The following TRPM3 variants were observed in gnomAD, a reference collection of about 807,000 sequenced individuals.
TRPM3 encodes transient receptor potential cation channel subfamily M member 3.
Under a neutral mutation model 181.2 loss-of-function variants are expected in TRPM3, and 77 were observed. The ratio of observed to expected loss-of-function variants is 0.42; its 90% CI spans 0.35 to 0.51. The LOEUF is 0.51. Ranked by LOEUF, TRPM3 falls within the 20% of genes least tolerant of loss-of-function variation. The probability of loss-of-function intolerance (pLI) is 0.01; values close to 1 mark genes in which losing one functional copy is unlikely to be tolerated. For synonymous variants in TRPM3, 745 were observed against 796.4 expected, an observed-to-expected ratio of 0.94 and a Z score of 1.09; for missense variants, 1,759 against 2,196.7, an observed-to-expected ratio of 0.80 and a Z score of 3.98.
At chr9:71,420,777 A>AAG (rs1342368407) in intron 1 of TRPM3, among the ~76,000 whole-genome samples, 1 of 86,804 alleles carries the variant, frequency 1.2e-5, no homozygotes, top group East Asian at 3.0e-4. Flanking sequence ...AAGAGAGAGA[A>AAG]AGAGAGAGAA....
intron 1 of TRPM3, among the ~76,000 whole-genome samples, chr9:71,227,683 G>A (rs998248476): frequency 1.6e-4 from 24 of 151,980 alleles, no homozygotes; most frequent in African/African-American, 5.3e-4. Flanking sequence ...GAAATCCAAA[G>A]GATCATTAGA....
intron 1 of TRPM3, among the ~76,000 whole-genome samples, chr9:71,071,368 C>T (rs955979127): frequency 6.6e-6 from 1 of 152,150 alleles, no homozygotes; most frequent in Non-Finnish European, 1.5e-5. Context: ...GTATAGCCTG[C>T]ACCTTAACTA....
chr9:71,368,267 C>A (rs2092404855), intron 1 of TRPM3, among the ~76,000 whole-genome samples: 1 of 152,142 alleles, frequency 6.6e-6, no homozygotes. Flanking sequence ...TGTTTGACAG[C>A]TGCAGAGTTT....
chr9:71,035,652 G>T (rs192003264), intron 1 of TRPM3, among the ~76,000 whole-genome samples: 1 of 152,196 alleles, frequency 6.6e-6, no homozygotes, highest in Non-Finnish European at 1.5e-5. Context: ...GGGAGGCAGA[G>T]GTTGCAGTGA....
intron 6 of TRPM3, among the ~76,000 whole-genome samples, chr9:70,805,492 G>A (rs941749238): frequency 1.4e-5 from 2 of 144,180 alleles, no homozygotes; most frequent in Non-Finnish European, 3.0e-5. Flanking sequence ...CGAGATTGCG[G>A]CACTGCACTC....
rs2062072706 is a variant in TRPM3 at position 70,612,048 on chromosome 9, T to A, written c.2527-1299A>T. ...CTGTAAAATGAGGGTAATAAAGTAC[T>A]CACTATAGGGTTGGCCTACAAGTCA... On this transcript the variant is annotated intron_variant, in intron 18 of 25. Transcript: ENST00000677713. Among the ~76,000 whole-genome samples, 4 of 152,152 alleles carry A rather than the reference T, an allele frequency of 2.6e-5. No individual in the cohort carries two copies. In the South Asian group the frequency reaches 8.3e-4, roughly 32 times the overall value.
chr9:71,421,028 A>AG (rs2093763501), intron 1 of TRPM3, among the ~76,000 whole-genome samples: 1 of 151,508 alleles, frequency 6.6e-6, no homozygotes, highest in Non-Finnish European at 1.5e-5. Flanking sequence ...AAAGAGAGAA[A>AG]AAGAAAAAGA....
At chr9:71,219,143 T>C (rs1266835208) in intron 1 of TRPM3, among the ~76,000 whole-genome samples, 2 of 152,068 alleles carry the variant, frequency 1.3e-5, no homozygotes, top group East Asian at 3.9e-4. Flanking sequence ...TTCTTTGCAG[T>C]GGATCTATTT....
chr9:71,248,692 T>A (rs1278199109), intron 1 of TRPM3, among the ~76,000 whole-genome samples: 2 of 152,206 alleles, frequency 1.3e-5, no homozygotes, highest in Non-Finnish European at 2.9e-5. Flanking sequence ...GTCTGCTTGA[T>A]CTTCCCAGTC....
At chr9:71,221,978 G>C (rs970521801) in intron 1 of TRPM3, among the ~76,000 whole-genome samples, 4 of 152,128 alleles carry the variant, frequency 2.6e-5, no homozygotes, top group African/African-American at 9.7e-5. Flanking sequence ...CTAAGATGTG[G>C]GTTCTTACAT....
At chr9:71,345,792 G>A (rs1236087916) in intron 1 of TRPM3, among the ~76,000 whole-genome samples, 2 of 152,152 alleles carry the variant, frequency 1.3e-5, no homozygotes, top group Non-Finnish European at 2.9e-5. Context: ...ATATATAAAT[G>A]TTTAATAACC....
chr9:70,825,046 A>T (rs2093465188), intron 6 of TRPM3: 1 of 152,196 alleles, frequency 6.6e-6, no homozygotes, highest in African/African-American at 2.4e-5. Context: ...GGCTGAGTAC[A>T]GTAATGAGGG....
In TRPM3 at chr9:71,312,558, C is replaced by A. The variant is rs77124449; in HGVS notation, c.183+134095G>T. ...GCAATTGTACCCCTACACATTTAAT[C>A]AAATGAATTGCAAACTTACATCCAC... is the stretch of plus-strand genomic sequence containing the variant. On this transcript the variant is annotated intron_variant, in intron 1 of 24. Transcript: ENST00000357533. 4.8e-3 allele frequency among the ~76,000 whole-genome samples: 737 copies of A among 152,204 alleles called. 20 individuals are homozygous for A. The South Asian group carries it at 0.07, about 15-fold the overall frequency.
intron 1 of TRPM3, among the ~76,000 whole-genome samples, chr9:71,283,946 C>T (rs1227407094): frequency 2.0e-5 from 3 of 152,168 alleles, no homozygotes. Flanking sequence ...GTCCCACTTC[C>T]TACCGCCAGT....
chr9:71,331,994 A>G (rs1444132424), intron 1 of TRPM3, among the ~76,000 whole-genome samples: 2 of 148,550 alleles, frequency 1.3e-5, no homozygotes, highest in Non-Finnish European at 3.0e-5. Flanking sequence ...GGGTTAAACT[A>G]TTTACACAGG....
At chr9:70,777,314 A>C (rs1410038450) in intron 7 of TRPM3, among the ~76,000 whole-genome samples, 1 of 152,150 alleles carries the variant, frequency 6.6e-6, no homozygotes, top group East Asian at 1.9e-4. Context: ...AAGCAAATTT[A>C]GTCCATGTAG....
chr9:71,138,163 A>C (rs541667440), intron 1 of TRPM3, among the ~76,000 whole-genome samples: 1 of 152,212 alleles, frequency 6.6e-6, no homozygotes, highest in African/African-American at 2.4e-5. Flanking sequence ...GGGGGAGAGG[A>C]AGTATTAGAA....
chr9:71,163,778 G>GATCTTCTGGTTA (rs2076389696), intron 1 of TRPM3, among the ~76,000 whole-genome samples: 1 of 152,086 alleles, frequency 6.6e-6, no homozygotes, highest in African/African-American at 2.4e-5. Context: ...AGAGGGATTT[G>GATCTTCTGGTTA]TAAAGGTGAC....
At chr9:71,016,256 GTGTATCTGTGTGTGTA>G (rs2097784441) in intron 1 of TRPM3, among the ~76,000 whole-genome samples, 1 of 70,160 alleles carries the variant, frequency 1.4e-5, no homozygotes, top group African/African-American at 6.9e-5. Context: ...GTGTGTGTGT[GTGTATCTGTGTGTGTA>G]TAATGTAATG....
Sources: gnomAD v4.1 joint callset for allele counts (sites outside exome capture counted in the v4.1 genomes callset) on GRCh38, gnomAD v4.1.1 for gene constraint, MANE v1.5 for transcripts, NCBI Gene and HGNC (gene_info 2026-07-23, HGNC 2026-07-21) for gene names.